The following TMPO variants were observed in gnomAD, a reference collection of about 807,000 sequenced individuals.
TMPO encodes thymopoietin.
In TMPO, 22 loss-of-function variants were observed where a neutral mutation model predicts 45.4. The observed-to-expected ratio is 0.48, with a 90% confidence interval of 0.35 to 0.69. The LOEUF is 0.69. Among genes scored for constraint, TMPO ranks in the 30% least tolerant of loss-of-function variants. TMPO has a pLI of 0.01. For missense variants in TMPO, 512 were observed against 548.8 expected, an observed-to-expected ratio of 0.93 and a Z score of 0.67; for synonymous variants, 241 against 204.1, an observed-to-expected ratio of 1.18 and a Z score of -1.54.
At chr12:98,541,486 C>G (rs539914123) in intron 4 of TMPO, among the ~76,000 whole-genome samples, 1 of 152,280 alleles carries the variant, frequency 6.6e-6, no homozygotes, top group East Asian at 1.9e-4. Context: ...ATATGTGTTT[C>G]TAAATAATAC....
intron 3 of TMPO, chr12:98,533,478 C>T: frequency 1.2e-6 from 2 of 1,614,146 alleles, no homozygotes; most frequent in Non-Finnish European, 1.7e-6. Flanking sequence ...ATGTAGAAAA[C>T]ATACAGAAGA....
At chr12:98,518,145 CA>C (rs35978276) in intron 1 of TMPO, among the ~76,000 whole-genome samples, 28,437 of 98,374 alleles carry the variant, frequency 0.29, 2,044 homozygotes, top group South Asian at 0.43. Flanking sequence ...GACTTCGTCT[CA>C]AAAAAAAAAA....
At chr12:98,526,459 C>G (rs1266843279) in intron 1 of TMPO, among the ~76,000 whole-genome samples, 1 of 152,182 alleles carries the variant, frequency 6.6e-6, no homozygotes, top group Non-Finnish European at 1.5e-5. Flanking sequence ...CTTATAACGC[C>G]TAATACAATG....
intron 3 of TMPO, chr12:98,535,193 T>A (rs1877495600): frequency 1.0e-6 from 1 of 984,776 alleles, no homozygotes; most frequent in Non-Finnish European, 1.2e-6. Flanking sequence ...ATGGGGCCTT[T>A]TAAAAAATAA....
At chr12:98,516,766 A>G (rs576959379) in intron 1 of TMPO, among the ~76,000 whole-genome samples, 2 of 152,298 alleles carry the variant, frequency 1.3e-5, no homozygotes, top group African/African-American at 4.8e-5. Context: ...TAAAAGGAGC[A>G]TTTTAAACTA....
chr12:98,547,163 C>T (rs993180815), intron 8 of TMPO, among the ~76,000 whole-genome samples: 1 of 151,622 alleles, frequency 6.6e-6, no homozygotes, highest in African/African-American at 2.4e-5. Context: ...ACAACCTCCA[C>T]CTCCTGGGTT....
At position 98,533,422 on chromosome 12, in the gene TMPO, G is replaced by C. The variant is rs147002330; in HGVS notation, c.565+1584G>C. On this transcript the variant is annotated intron_variant, in intron 3 of 8. Transcript: ENST00000556029. ...TGTCAATTCTCTGTTGGTCCAGGGT[G>C]GGGTAGGTAGTTTGCCTGGAACTTC... 45 of 1,614,160 alleles carry C rather than the reference G, an allele frequency of 2.8e-5. No homozygotes were observed. The highest frequency in any genetic ancestry group is 3.6e-5 in the Non-Finnish European group (42 of 1,180,028).
intron 4 of TMPO, among the ~76,000 whole-genome samples, chr12:98,540,079 GCTGTTACCA>G (rs1226357202): frequency 6.6e-6 from 1 of 152,206 alleles, no homozygotes; most frequent in Non-Finnish European, 1.5e-5. Context: ...CAAGTCTGTA[GCTGTTACCA>G]CTGTAACTTT....
chr12:98,516,107 GGC>G lies in TMPO; in HGVS notation c.241_242del (p.Ala81ArgfsTer19). The G allele has an allele frequency of 6.5e-7, 1 of 1,545,100 alleles. No homozygotes were observed. The highest frequency in any genetic ancestry group is 8.7e-7 in the Non-Finnish European group (1 of 1,153,814). ...REPTPVLGSG[A>X]AAAGRSRAAV... ...AGCCCACCCCGGTCCTCGGCTCTGGGGCCGCCGCCGCGGGCCGGAGCCGAGCA... is the reference window on the plus strand; with the variant it reads ...AGCCCACCCCGGTCCTCGGCTCTGGGCGCCGCCGCGGGCCGGAGCCGAGCA... On this transcript the variant is annotated frameshift_variant, in exon 1 of 9. Coordinates refer to ENST00000556029, the MANE Select transcript of TMPO (RefSeq NM_001032283.3). LOFTEE classifies it high-confidence loss of function.
Position 98,515,802 on chromosome 12 carries a change from A to G in TMPO, c.-66A>G. ...GGCGGCAGCGCGGTCCCCGGCCAGG[A>G]GCAAGCGCGCCGGCGTGAGCGGCGG... On this transcript the variant is annotated 5_prime_UTR_variant, in exon 1 of 9. Coordinates refer to ENST00000556029, the MANE Select transcript of TMPO (RefSeq NM_001032283.3). 1 of 1,562,986 alleles carries G rather than the reference A, an allele frequency of 6.4e-7. No homozygotes were observed. The highest frequency in any genetic ancestry group is 8.7e-7 in the Non-Finnish European group (1 of 1,155,220).
intron 1 of TMPO, among the ~76,000 whole-genome samples, chr12:98,523,589 T>C (rs1174852783): frequency 6.6e-6 from 1 of 152,158 alleles, no homozygotes; most frequent in African/African-American, 2.4e-5. Context: ...TGACTTACCT[T>C]ATGTAGATTT....
At position 98,537,458 on chromosome 12, in the gene TMPO, T is replaced by G. The variant is rs1057362954; in HGVS notation, c.566-17T>G. The G allele has an allele frequency of 3.1e-6, 5 of 1,588,914 alleles. No individual in the cohort carries two copies. The highest frequency in any genetic ancestry group is 4.3e-6 in the Non-Finnish European group (5 of 1,158,320). ...GAGTGTTTCAGAGAGTAATGGTTTC[T>G]CCAATGTTATTTCCAGACTCTAAAA... On this transcript the variant is annotated splice_polypyrimidine_tract_variant and intron_variant, in intron 3 of 8. Coordinates refer to ENST00000556029, the MANE Select transcript of TMPO (RefSeq NM_001032283.3).
At chr12:98,518,070 G>A (rs1315250687) in intron 1 of TMPO, among the ~76,000 whole-genome samples, 1 of 151,744 alleles carries the variant, frequency 6.6e-6, no homozygotes, top group Non-Finnish European at 1.5e-5. Context: ...GCTTGAACCC[G>A]GGAGGCGGAG....
chr12:98,524,355 C>T (rs547837170), intron 1 of TMPO, among the ~76,000 whole-genome samples: 9 of 152,206 alleles, frequency 5.9e-5, no homozygotes, highest in African/African-American at 1.7e-4. Context: ...GGGCAAATCA[C>T]GAGCTCAGGA....
intron 1 of TMPO, among the ~76,000 whole-genome samples, chr12:98,517,138 T>G (rs1875917041): frequency 6.6e-6 from 1 of 152,152 alleles, no homozygotes; most frequent in African/African-American, 2.4e-5. Flanking sequence ...AAAATTGCAG[T>G]TTGGATTGCG....
chr12:98,541,177 T>C (rs1268896009), intron 4 of TMPO, among the ~76,000 whole-genome samples: 1 of 152,218 alleles, frequency 6.6e-6, no homozygotes, highest in Non-Finnish European at 1.5e-5. Context: ...CCCAGGCTCA[T>C]GTATACTTCC....
Position 98,528,001 on chromosome 12 carries a change from G to A in TMPO, c.395G>A (p.Gly132Asp), listed in dbSNP as rs1280486616. The A allele has an allele frequency of 3.1e-6, 5 of 1,613,744 alleles. No individual in the cohort carries two copies. In the African/African-American group the frequency reaches 5.3e-5, roughly 17 times the overall value. ...DQLVKYGVNP[G>D]PIVGTTRKLY... ...CTTGTGAAATACGGAGTGAATCCTG[G>A]TCCTATTGTGGGTAAGTTGATAAAA... The change falls in exon 2 of 9, where the codon GGT becomes GAT. Residue 132 changes from glycine (G) to aspartate (D), a missense_variant. Gly to Asp is a moderately conservative substitution (Grantham distance 94, BLOSUM62 -1). Around this residue, in one of 3 missense-constraint regions of TMPO, gnomAD observed 299 missense variants for 296.7 expected, o/e 1.01. Coordinates refer to ENST00000556029, the MANE Select transcript of TMPO (RefSeq NM_001032283.3).
chr12:98,546,334 T>A, intron 7 of TMPO, 25 bp from the exon 8 acceptor site: 1 of 1,486,386 alleles, frequency 6.7e-7, no homozygotes, highest in Non-Finnish European at 9.4e-7. Flanking sequence ...AACTTGTGGT[T>A]GTTTGTTTGT....
Position 98,548,247 on chromosome 12 carries a change from G to T in TMPO, c.*389G>T, listed in dbSNP as rs796478581. On this transcript the variant is annotated 3_prime_UTR_variant, in exon 9 of 9. Coordinates refer to ENST00000556029, the MANE Select transcript of TMPO (RefSeq NM_001032283.3). The stretch of plus-strand genomic sequence containing the variant: ...AAATACTTAGAATTCTTACAGAAAA[G>T]ATTTTAAGAATTATTCTCTGCTGAA... 1.9e-5 allele frequency: 3 copies of T among 161,522 alleles called. No individual in the cohort carries two copies. Among genetic ancestry groups the T allele is most frequent in the African/African-American group, 4.8e-5 (2 of 41,536 alleles). 10.0% of individuals were successfully genotyped at this position (161,522 alleles called of 1,614,324 possible). A position where few individuals can be genotyped will look rare whatever the true frequency, so the allele number is the denominator to read the frequency against.
Sources: gnomAD v4.1 joint callset for allele counts (sites outside exome capture counted in the v4.1 genomes callset) on GRCh38, gnomAD v4.1.1 for gene constraint, gnomAD v4.1.1 regional missense constraint, MANE v1.5 for transcripts, NCBI Gene and HGNC (gene_info 2026-07-23, HGNC 2026-07-21) for gene names.